TNS1: variants seen among roughly 807,000 people sequenced by gnomAD.
The protein encoded by TNS1 is tensin 1, also known as tensin-1.
Under a neutral mutation model 168.6 loss-of-function variants are expected in TNS1, and 62 were observed. The ratio of observed to expected loss-of-function variants is 0.37; its 90% CI spans 0.30 to 0.45. The LOEUF (loss-of-function observed/expected upper bound fraction) is 0.45. TNS1 is among the 20% of genes least tolerant of loss of function. TNS1 has a pLI of 1.00. For missense variants in TNS1, 2,240 were observed against 2,339.4 expected (o/e 0.96, Z 0.88); for synonymous variants, 934 against 933.2 (o/e 1.00, Z -0.02).
chr2:217,901,828 G>A (rs976185705), intron 6 of TNS1: 2 of 152,240 alleles, frequency 1.3e-5, no homozygotes, highest in Non-Finnish European at 2.9e-5. Context: ...CAGTGCCTAC[G>A]AGGCAGGATA....
intron 3 of TNS1, among the ~76,000 whole-genome samples, chr2:217,954,639 TAG>T (rs1377184748): frequency 6.6e-6 from 1 of 152,082 alleles, no homozygotes; most frequent in Non-Finnish European, 1.5e-5. Flanking sequence ...CATGCTGCCT[TAG>T]AGAGTCCAGT....
Position 217,941,548 on chromosome 2 carries a change from C to A in TNS1, c.187-21312G>T, listed in dbSNP as rs995713561. 1.9e-4 allele frequency among the ~76,000 whole-genome samples: 29 copies of A among 152,214 alleles called. 1 individual carries two copies. The highest frequency in any genetic ancestry group is 1.0e-3 in the South Asian group (5 of 4,832). ...ATTGGCAGGAAGGAGGGGGCCCCTG[C>A]GAGTGGTCTGCGCCCACGCCCCAGG... On this transcript the variant is annotated intron_variant, in intron 3 of 32. Transcript: ENST00000682258.
chr2:217,948,295 C>T lies in TNS1; in HGVS notation c.187-28059G>A, dbSNP rs1453074303. On this transcript the variant is annotated intron_variant, in intron 3 of 32. Coordinates refer to ENST00000682258, the MANE Select transcript of TNS1 (RefSeq NM_001387777.1). This position sits in a 1 kb window ranked among gnomAD's most constrained non-coding sequence, Gnocchi z 4.1. ...CAATTACTGGAGCCGCCTCCTCTAGCACCCTGGGCCCTCACTCTCTTCTTC... is the reference window on the plus strand; with the variant it reads ...CAATTACTGGAGCCGCCTCCTCTAGTACCCTGGGCCCTCACTCTCTTCTTC... Among the ~76,000 whole-genome samples the T allele has an allele frequency of 2.6e-5, 4 of 152,192 alleles. No individual in the cohort carries two copies. Among genetic ancestry groups the T allele is most frequent in the African/African-American group, 9.7e-5 (4 of 41,448 alleles).
upstream of TNS1, among the ~76,000 whole-genome samples, chr2:218,011,478 C>G (rs1371941776): frequency 6.6e-6 from 1 of 152,122 alleles, no homozygotes; most frequent in Non-Finnish European, 1.5e-5. Context: ...GGGCCTCTTC[C>G]GCAGCAAGCG....
chr2:217,919,608 G>A (rs1955509859), intron 4 of TNS1, among the ~76,000 whole-genome samples: 1 of 152,244 alleles, frequency 6.6e-6, no homozygotes, highest in Admixed American at 6.5e-5. Context: ...CTGGCATCAG[G>A]GTGGAGCAGG....
chr2:217,899,347 G>A (rs1389975060), intron 7 of TNS1, among the ~76,000 whole-genome samples: 3 of 152,172 alleles, frequency 2.0e-5, no homozygotes, highest in African/African-American at 7.2e-5. Context: ...CAGCTGTGGG[G>A]GAGAAGTTTC....
intron 4 of TNS1, among the ~76,000 whole-genome samples, chr2:217,908,061 A>G (rs556657643): frequency 6.6e-6 from 1 of 152,236 alleles, no homozygotes; most frequent in African/African-American, 2.4e-5. Context: ...TTGTTTCCCC[A>G]ACTATTGTTT....
intron 32 of TNS1, among the ~76,000 whole-genome samples, chr2:217,805,903 C>T (rs965476669): frequency 5.9e-5 from 9 of 151,906 alleles, no homozygotes; most frequent in Non-Finnish European, 1.0e-4. Context: ...CACACACACA[C>T]ACACACATAA....
chr2:218,020,626 A>T (rs142006384), intron 1 of TNS1, among the ~76,000 whole-genome samples: 37 of 152,256 alleles, frequency 2.4e-4, no homozygotes, highest in African/African-American at 6.5e-4. Context: ...GGTTGGTAGA[A>T]TATGGAAGAA....
intron 3 of TNS1, among the ~76,000 whole-genome samples, chr2:217,943,367 C>T (rs1957009920): frequency 6.6e-6 from 1 of 150,822 alleles, no homozygotes; most frequent in African/African-American, 2.5e-5. Flanking sequence ...AGAAAGGTGC[C>T]CTCACAGCAG....
rs148452391 is a variant in TNS1 at position 217,835,541 on chromosome 2, T to G, written c.3205-375A>C. Among the ~76,000 whole-genome samples the G allele has an allele frequency of 9.0e-3, 1,368 of 152,336 alleles. 45 individuals carry two copies. The highest frequency in any genetic ancestry group is 0.068 in the Admixed American group (1,042 of 15,306). ...AGGTGGATTTGGGAAGCTACAGTTT[T>G]AACAAGCTCCCCATTGGTTGTTACT... On this transcript the variant is annotated intron_variant, in intron 20 of 32. Coordinates refer to ENST00000682258, the MANE Select transcript of TNS1 (RefSeq NM_001387777.1).
chr2:217,939,989 A>T (rs1397322272), intron 3 of TNS1, among the ~76,000 whole-genome samples: 4 of 152,252 alleles, frequency 2.6e-5, no homozygotes, highest in Non-Finnish European at 5.9e-5. Flanking sequence ...GGAGGGAAGG[A>T]AAGAGGGAAG....
Position 217,851,747 on chromosome 2 carries a change from A to G in TNS1, c.1430-2660T>C, listed in dbSNP as rs758080137. Among the ~76,000 whole-genome samples the G allele has an allele frequency of 5.3e-4, 81 of 152,212 alleles. 1 individual carries two copies. In the Middle Eastern group the frequency reaches 0.017, roughly 32 times the overall value. Reference sequence around the variant, plus strand: ...GGACCAGGCACAGCTGCCTCTTCCAACCCCCTATTATCATCGTAAAGGGGT... The same window carrying G: ...GGACCAGGCACAGCTGCCTCTTCCAGCCCCCTATTATCATCGTAAAGGGGT... On this transcript the variant is annotated intron_variant, in intron 18 of 32. Transcript: ENST00000682258.
chr2:217,803,005 G>A lies in TNS1; in HGVS notation c.*1454C>T, dbSNP rs374548590. ...GTGGACCTTAGGCCCTTTGGCCCAA[G>A]TGCAAGCCTTCTGCCCTCTGCTGCA... On this transcript the variant is annotated 3_prime_UTR_variant, in exon 33 of 33. Transcript: ENST00000682258. The A allele has an allele frequency of 6.5e-6, 1 of 152,700 alleles. No homozygotes were observed. The highest frequency in any genetic ancestry group is 2.1e-4 in the South Asian group (1 of 4,832). The allele number at this position is 152,700 out of a possible 1,614,324, so 9.5% of individuals were successfully genotyped here.
At chr2:218,002,409 T>C (rs947371608) in intron 1 of TNS1, among the ~76,000 whole-genome samples, 6 of 152,180 alleles carry the variant, frequency 3.9e-5, no homozygotes. Flanking sequence ...TTTGGACTAC[T>C]ATTCTTTGCT....
rs980495450 is a variant in TNS1 at position 217,948,930 on chromosome 2, T to C, written c.187-28694A>G. Among the ~76,000 whole-genome samples, 2 of 152,190 alleles carry C rather than the reference T, an allele frequency of 1.3e-5. No homozygotes were observed. Among genetic ancestry groups the C allele is most frequent in the African/African-American group, 4.8e-5 (2 of 41,444 alleles). Reference sequence around the variant, plus strand: ...AGTGCTGGGCTTTCCACATTCCAGCTTCCTACTCAGATTTGTACCATAGTG... The same window carrying C: ...AGTGCTGGGCTTTCCACATTCCAGCCTCCTACTCAGATTTGTACCATAGTG... On this transcript the variant is annotated intron_variant, in intron 3 of 32. Coordinates refer to ENST00000682258, the MANE Select transcript of TNS1 (RefSeq NM_001387777.1). This position sits in a 1 kb window ranked among gnomAD's most constrained non-coding sequence, Gnocchi z 4.1.
chr2:217,920,279 T>A, intron 3 of TNS1, 43 bp from the exon 4 acceptor site: 2 of 702,880 alleles, frequency 2.8e-6, no homozygotes, highest in Non-Finnish European at 5.2e-6. Context: ...ATATCTTGTC[T>A]CTAGAGACAG....
chr2:218,004,871 C>T (rs1326558655), upstream of TNS1, among the ~76,000 whole-genome samples: 1 of 152,214 alleles, frequency 6.6e-6, no homozygotes, highest in South Asian at 2.1e-4. Flanking sequence ...ACATTTTAGC[C>T]AACGCTGAAA....
intron 1 of TNS1, among the ~76,000 whole-genome samples, chr2:218,022,483 C>T (rs1288279434): frequency 1.3e-5 from 2 of 152,194 alleles, no homozygotes; most frequent in Non-Finnish European, 2.9e-5. Flanking sequence ...TGGACACGCA[C>T]ACACGCACGT....
Sources: gnomAD v4.1 joint callset for allele counts (sites outside exome capture counted in the v4.1 genomes callset) on GRCh38, gnomAD v4.1.1 for gene constraint, Gnocchi (gnomAD v3.1) non-coding constraint, MANE v1.5 for transcripts, NCBI Gene and HGNC (gene_info 2026-07-23, HGNC 2026-07-21) for gene names.